MIR2052HG: variants seen among roughly 807,000 people sequenced by gnomAD.
MIR2052HG encodes MIR2052 host gene.
At chr8:74,647,256 G>T (rs575515492) in intron 2 of MIR2052HG, among the ~76,000 whole-genome samples, 1 of 152,260 alleles carries the variant, frequency 6.6e-6, no homozygotes, top group Admixed American at 6.5e-5. Context: ...AGGACAAGAG[G>T]ACAGAAACAC....
At chr8:74,614,447 G>A (rs1808247365) in intron 2 of MIR2052HG, among the ~76,000 whole-genome samples, 1 of 151,946 alleles carries the variant, frequency 6.6e-6, no homozygotes, top group African/African-American at 2.4e-5. Context: ...ATCTATATTG[G>A]TGCTTTTAAA....
chr8:74,744,302 G>GA (rs1809860163), intron 4 of MIR2052HG, among the ~76,000 whole-genome samples: 1 of 90,586 alleles, frequency 1.1e-5, no homozygotes, highest in South Asian at 3.5e-4. Context: ...TTTTAGAGAT[G>GA]GGGTCTCACT....
intron 2 of MIR2052HG, among the ~76,000 whole-genome samples, chr8:74,650,977 A>G (rs1808745179): frequency 6.6e-6 from 1 of 152,124 alleles, no homozygotes; most frequent in Non-Finnish European, 1.5e-5. Context: ...CTTCCATCAT[A>G]AATCTATTTT....
chr8:74,673,910 T>TATATATATATATATATATATACACAC (rs1485340799), intron 2 of MIR2052HG, among the ~76,000 whole-genome samples: 9 of 133,232 alleles, frequency 6.8e-5, no homozygotes, highest in African/African-American at 2.7e-4. Flanking sequence ...TATATATATA[T>TATATATATATATATATATATACACAC]ACACACACAA....
At chr8:74,741,186 A>G (rs1003147480) in intron 4 of MIR2052HG, among the ~76,000 whole-genome samples, 1 of 152,184 alleles carries the variant, frequency 6.6e-6, no homozygotes, top group East Asian at 1.9e-4. Flanking sequence ...TTTGGAGGCT[A>G]TTTGTATTAT....
At chr8:74,649,452 G>A (rs975891580) in intron 2 of MIR2052HG, among the ~76,000 whole-genome samples, 7 of 151,982 alleles carry the variant, frequency 4.6e-5, no homozygotes, top group Non-Finnish European at 1.0e-4. Flanking sequence ...GGAAATCTGA[G>A]GGGTATGAGA....
intron 2 of MIR2052HG, among the ~76,000 whole-genome samples, chr8:74,618,030 C>G (rs1808309377): frequency 2.0e-5 from 3 of 152,328 alleles, no homozygotes; most frequent in Admixed American, 2.0e-4. Flanking sequence ...CAAGACTCAC[C>G]TTCTCAACTT....
intron 2 of MIR2052HG, among the ~76,000 whole-genome samples, chr8:74,698,491 A>C (rs1809323996): frequency 6.6e-6 from 1 of 152,218 alleles, no homozygotes; most frequent in Non-Finnish European, 1.5e-5. Context: ...TGCAACAAAA[A>C]CAAAGATAAA....
chr8:74,652,587 TA>T (rs1156438650), intron 2 of MIR2052HG, among the ~76,000 whole-genome samples: 1 of 152,180 alleles, frequency 6.6e-6, no homozygotes, highest in Admixed American at 6.6e-5. Context: ...ATTTAATGGT[TA>T]AATATATCAT....
chr8:74,657,868 G>A (rs1184913939), intron 2 of MIR2052HG, among the ~76,000 whole-genome samples: 2 of 152,066 alleles, frequency 1.3e-5, no homozygotes, highest in Non-Finnish European at 2.9e-5. Context: ...TGGGGATACA[G>A]CCAAACCATA....
At chr8:74,737,169 CTTTTT>C (rs1346052781) in intron 4 of MIR2052HG, among the ~76,000 whole-genome samples, 2 of 152,236 alleles carry the variant, frequency 1.3e-5, no homozygotes, top group East Asian at 3.9e-4. Context: ...TGATTGGTTG[CTTTTT>C]GCAACCAATC....
At chr8:74,679,490 C>G (rs912982865) in intron 2 of MIR2052HG, among the ~76,000 whole-genome samples, 1 of 151,216 alleles carries the variant, frequency 6.6e-6, no homozygotes, top group Non-Finnish European at 1.5e-5. Flanking sequence ...TATCCACTCA[C>G]TCATTGGTTG....
At chr8:74,704,301 G>T (rs1254606385) in intron 4 of MIR2052HG, among the ~76,000 whole-genome samples, 1 of 151,976 alleles carries the variant, frequency 6.6e-6, no homozygotes, top group East Asian at 1.9e-4. Context: ...GTTCCTTCGG[G>T]ACAGTGCATC....
At chr8:74,685,284 A>C (rs901612408) in intron 2 of MIR2052HG, among the ~76,000 whole-genome samples, 2 of 151,954 alleles carry the variant, frequency 1.3e-5, no homozygotes, top group African/African-American at 4.8e-5. Flanking sequence ...CCTCCTAGAA[A>C]CTCTTCAAAA....
chr8:74,652,092 G>A (rs1808759362), intron 2 of MIR2052HG, among the ~76,000 whole-genome samples: 1 of 152,146 alleles, frequency 6.6e-6, no homozygotes, highest in African/African-American at 2.4e-5. Context: ...TCCAGCAAGA[G>A]TTATATCAAC....
intron 2 of MIR2052HG, among the ~76,000 whole-genome samples, chr8:74,701,752 C>A (rs1262601214): frequency 3.9e-5 from 6 of 152,108 alleles, no homozygotes; most frequent in African/African-American, 1.4e-4. Context: ...TATGCATTTA[C>A]AATCAAGGAT....
chr8:74,660,180 A>G (rs1808846280), intron 2 of MIR2052HG, among the ~76,000 whole-genome samples: 2 of 152,142 alleles, frequency 1.3e-5, no homozygotes, highest in Non-Finnish European at 2.9e-5. Flanking sequence ...GGCTCACCTG[A>G]ACCATTTTTC....
At chr8:74,699,417 TA>T (rs1809335535) in intron 2 of MIR2052HG, among the ~76,000 whole-genome samples, 1 of 24,404 alleles carries the variant, frequency 4.1e-5, no homozygotes, top group Non-Finnish European at 7.6e-5. Flanking sequence ...TGTGTGTGTG[TA>T]TATATATATA....
chr8:74,749,002 T>C (rs1428590547), intron 4 of MIR2052HG, among the ~76,000 whole-genome samples: 2 of 152,184 alleles, frequency 1.3e-5, no homozygotes, highest in Non-Finnish European at 2.9e-5. Flanking sequence ...AGATAATTTT[T>C]AAAACTTTGC....
Sources: gnomAD v4.1 joint callset for allele counts (sites outside exome capture counted in the v4.1 genomes callset) on GRCh38, gnomAD v4.1.1 for gene constraint, MANE v1.5 for transcripts, NCBI Gene and HGNC (gene_info 2026-07-23, HGNC 2026-07-21) for gene names.